The following FRYL variants were observed in gnomAD, a reference collection of about 807,000 sequenced individuals.
FRYL encodes protein furry homolog-like.
Under a neutral mutation model 351.2 loss-of-function variants are expected in FRYL, and 150 were observed. The ratio of observed to expected loss-of-function variants is 0.43; its 90% CI spans 0.37 to 0.49. The LOEUF (loss-of-function observed/expected upper bound fraction) is 0.49. Among genes scored for constraint, FRYL ranks in the 20% least tolerant of loss-of-function variants. The pLI is 0.00. For missense variants in FRYL, 3,036 were observed against 3,619.3 expected (o/e 0.84, Z 4.13); for synonymous variants, 1,153 against 1,257.1 (o/e 0.92, Z 1.75).
At chr4:48,738,305 C>T (rs541917408) in intron 1 of FRYL, among the ~76,000 whole-genome samples, 2 of 152,148 alleles carry the variant, frequency 1.3e-5, no homozygotes, top group Non-Finnish European at 2.9e-5. Context: ...TTCCTATAAA[C>T]CAACAATGAA....
intron 18 of FRYL, among the ~76,000 whole-genome samples, chr4:48,589,421 A>AT (rs1287719471): frequency 6.7e-6 from 1 of 148,954 alleles, no homozygotes; most frequent in African/African-American, 2.5e-5. Flanking sequence ...CAGTGAAAGC[A>AT]TTTATTTGAC....
intron 2 of FRYL, among the ~76,000 whole-genome samples, chr4:48,702,132 G>T (rs10938539): frequency 1.3e-5 from 2 of 152,088 alleles, no homozygotes; most frequent in African/African-American, 4.8e-5. Context: ...ACAATTCAAC[G>T]TATATCTACT....
At position 48,540,874 on chromosome 4, in the gene FRYL, A is replaced by G; in HGVS notation, c.5774T>C (p.Ile1925Thr). 1 of 1,613,874 alleles carries G rather than the reference A, an allele frequency of 6.2e-7. No homozygotes were observed. Among genetic ancestry groups the G allele is most frequent in the South Asian group, 1.1e-5 (1 of 91,072 alleles). ...TGQLNLSTSP[I>T]NSSSYLGYNS... ...ATATCCCAAATAACTGCTACTATTA[A>G]TGGGACTTGTGCTTAGATTGAGTTG... The change falls in exon 46 of 64, where the codon ATT becomes ACT. Residue 1925 changes from isoleucine to threonine, a missense_variant. Ile to Thr is a moderately conservative substitution (Grantham distance 89). Transcript: ENST00000358350.
At chr4:48,651,287 CACTGTGTGTG>C (rs1220051997) in intron 3 of FRYL, among the ~76,000 whole-genome samples, 3 of 98,008 alleles carry the variant, frequency 3.1e-5, no homozygotes, top group Non-Finnish European at 6.3e-5. Flanking sequence ...CTCAGGATCT[CACTGTGTGTG>C]TGTGTGTGTG....
chr4:48,751,996 A>G (rs1773295812), intron 1 of FRYL, among the ~76,000 whole-genome samples: 1 of 152,200 alleles, frequency 6.6e-6, no homozygotes, highest in Admixed American at 6.5e-5. Context: ...CAGGAAAGTC[A>G]TCTGGGAAGC....
intron 59 of FRYL, chr4:48,506,029 G>C (rs902933780): frequency 6.4e-6 from 1 of 156,446 alleles, no homozygotes; most frequent in Admixed American, 6.5e-5. Flanking sequence ...AGGTCTGTTT[G>C]CTTATGAGAA....
intron 1 of FRYL, among the ~76,000 whole-genome samples, chr4:48,728,116 C>T (rs374144147): frequency 2.6e-5 from 4 of 152,048 alleles, no homozygotes; most frequent in South Asian, 4.2e-4. Context: ...ACAAGGCATA[C>T]TAAAAGGCAA....
chr4:48,545,955 T>A (rs1731243999), intron 42 of FRYL, 112 bp downstream of exon 42: 9 of 942,494 alleles, frequency 9.5e-6, no homozygotes, highest in Admixed American at 4.5e-5. Context: ...CAAACCTGTG[T>A]ATTTCACATC....
intron 3 of FRYL, among the ~76,000 whole-genome samples, chr4:48,670,825 AT>A (rs1762533462): frequency 6.6e-6 from 1 of 152,092 alleles, no homozygotes; most frequent in Non-Finnish European, 1.5e-5. Flanking sequence ...TATGTACCAC[AT>A]TTTCTTTATC....
At position 48,549,917 on chromosome 4, in the gene FRYL, A is replaced by C. The variant is rs1732303626; in HGVS notation, c.4634-294T>G. On this transcript the variant is annotated intron_variant, in intron 38 of 63. Transcript: ENST00000358350. The surrounding 1 kb of genome is among the most constrained non-coding windows in gnomAD (Gnocchi z 4.2). ...GATGTCCAAGCCAGGAGATCACATTATTGGTGAAGCTGCCTTGTAACAAAG... is the reference window on the plus strand; with the variant it reads ...GATGTCCAAGCCAGGAGATCACATTCTTGGTGAAGCTGCCTTGTAACAAAG... 6.6e-6 allele frequency among the ~76,000 whole-genome samples: 1 copy of C among 152,178 alleles called. No individual in the cohort carries two copies. The highest frequency in any genetic ancestry group is 1.5e-5 in the Non-Finnish European group (1 of 68,026).
At chr4:48,556,061 A>G (rs921545286) in intron 35 of FRYL, among the ~76,000 whole-genome samples, 1 of 151,992 alleles carries the variant, frequency 6.6e-6, no homozygotes, top group Non-Finnish European at 1.5e-5. Context: ...CACCCGGCTA[A>G]TTTTTGGATT....
At position 48,557,126 on chromosome 4, in the gene FRYL, C is replaced by T. The variant is rs1336505592; in HGVS notation, c.4126-8G>A. 3.2e-6 allele frequency: 5 copies of T among 1,572,160 alleles called. No homozygotes were observed. Among genetic ancestry groups the T allele is most frequent in the Non-Finnish European group, 4.3e-6 (5 of 1,152,786 alleles). On this transcript the variant is annotated splice_polypyrimidine_tract_variant and splice_region_variant and intron_variant, in intron 34 of 63. Transcript: ENST00000358350. ...GGCCAGTTCATCGCCATACTAGATG[C>T]AATATGCACAAAAGATACTTCAGTC... is the stretch of plus-strand genomic sequence containing the variant.
intron 1 of FRYL, among the ~76,000 whole-genome samples, chr4:48,749,622 C>T (rs1773045497): frequency 6.6e-6 from 1 of 152,058 alleles, no homozygotes; most frequent in Non-Finnish European, 1.5e-5. Flanking sequence ...CTCATGTGAG[C>T]CTCATTACTC....
Position 48,710,554 on chromosome 4 carries a change from GA to G in FRYL, c.-240del. The G allele has an allele frequency of 2.5e-6, 1 of 398,608 alleles. No individual in the cohort carries two copies. The highest frequency in any genetic ancestry group is 4.4e-5 in the Admixed American group (1 of 22,734). The allele number at this position is 398,608 out of a possible 1,614,324, so 24.7% of individuals were successfully genotyped here. ...TGGTTGTTGAGGCACAGAGTTTGTA[GA>G]AAAGACACCAAGTTTGGAAAGGATC... is the stretch of plus-strand genomic sequence containing the variant. On this transcript the variant is annotated 5_prime_UTR_variant, in exon 2 of 64. It removes the in-frame stop codon of an upstream open reading frame in the 5' UTR. Transcript: ENST00000358350.
In FRYL at chr4:48,527,583, T is replaced by A. The variant is rs1486931977; in HGVS notation, c.7211A>T (p.Asp2404Val). Reference sequence around the variant, plus strand: ...AGCTACTTCTTCCTCTTGATTTATGTCTTCTGTTGTAGAAATTAGGCTAGT... The same window carrying A: ...AGCTACTTCTTCCTCTTGATTTATGACTTCTGTTGTAGAAATTAGGCTAGT... ...QQTSLISTTE[D>V]INQEEEVAVE... The change falls in exon 53 of 64, where the codon GAC becomes GTC. Residue 2404 changes from aspartate to valine, a missense_variant. By Grantham distance (152) the Asp-to-Val change is radical. This residue lies in a region of FRYL where 1,987 missense variants were observed against 2,311.7 expected (regional missense o/e 0.86). Coordinates refer to ENST00000358350, the MANE Select transcript of FRYL (RefSeq NM_015030.2). 19 of 1,613,158 alleles carry A rather than the reference T, an allele frequency of 1.2e-5. No individual in the cohort carries two copies. The highest frequency in any genetic ancestry group is 1.6e-5 in the Non-Finnish European group (19 of 1,179,482).
intron 11 of FRYL, among the ~76,000 whole-genome samples, chr4:48,603,885 A>T (rs1169917466): frequency 6.6e-6 from 1 of 152,168 alleles, no homozygotes; most frequent in Non-Finnish European, 1.5e-5. Flanking sequence ...CTGCCCAAGA[A>T]GCTCTTCCCA....
intron 5 of FRYL, 34 bp from the exon 6 acceptor site, chr4:48,620,812 G>T (rs1035164230): frequency 6.9e-6 from 11 of 1,584,308 alleles, no homozygotes; most frequent in Non-Finnish European, 9.5e-6. Context: ...AAAATAAATT[G>T]TAACACTGAA....
chr4:48,537,118 G>A (rs144356386), intron 47 of FRYL, among the ~76,000 whole-genome samples: 543 of 151,994 alleles, frequency 3.6e-3, no homozygotes, highest in Middle Eastern at 0.02. Context: ...ATTAAAAATC[G>A]CATAATTTTA....
intron 47 of FRYL, among the ~76,000 whole-genome samples, chr4:48,539,224 GGAGTA>G (rs1729586004): frequency 6.6e-6 from 1 of 152,090 alleles, no homozygotes; most frequent in Admixed American, 6.6e-5. Flanking sequence ...AAAAAAGAAT[GGAGTA>G]GAGAGAGAAG....
Sources: allele counts gnomAD v4.1 joint callset (sites outside exome capture counted in the v4.1 genomes callset), GRCh38; gene constraint gnomAD v4.1.1; regional missense constraint gnomAD v4.1.1; non-coding constraint Gnocchi (gnomAD v3.1); transcripts MANE v1.5; gene names NCBI Gene and HGNC (gene_info 2026-07-23, HGNC 2026-07-21).